The following FSCN1 variants were observed in gnomAD, a reference collection of about 807,000 sequenced individuals.
The protein encoded by FSCN1 is fascin.
FSCN1 carries 10 observed loss-of-function variants against 39.7 expected under a neutral mutation model. The observed-to-expected ratio is 0.25, with a 90% CI of 0.16 to 0.43. The LOEUF (loss-of-function observed/expected upper bound fraction) is 0.43. Among genes scored for constraint, FSCN1 ranks in the 20% least tolerant of loss-of-function variants. The pLI, the probability that FSCN1 is intolerant of heterozygous loss-of-function variation, is 1.00. For missense variants in FSCN1, 525 were observed against 723.8 expected, an observed-to-expected ratio of 0.73 and a Z score of 3.15; for synonymous variants, 322 against 320.0, an observed-to-expected ratio of 1.01 and a Z score of -0.07.
In FSCN1 at chr7:5,605,188, G is replaced by C; in HGVS notation, c.1280-84G>C. 9.7e-7 allele frequency: 1 copy of C among 1,029,650 alleles called. No homozygotes were observed. The highest frequency in any genetic ancestry group is 1.9e-5 in the Admixed American group (1 of 54,038). 63.8% of individuals were successfully genotyped at this position (1,029,650 alleles called of 1,614,324 possible). ...CTGGAGGGTGGGGCGTCACCCTTGG[G>C]AACACCCGTGCCCACCCTCCGCTGC... is the stretch of plus-strand genomic sequence containing the variant. On this transcript the variant is annotated intron_variant, in intron 4 of 4. Coordinates refer to ENST00000382361, the MANE Select transcript of FSCN1 (RefSeq NM_003088.4). This position sits in a 1 kb window ranked among gnomAD's most constrained non-coding sequence, Gnocchi z 6.9.
chr7:5,600,923 G>C (rs748118468), intron 1 of FSCN1, among the ~76,000 whole-genome samples: 1 of 132,802 alleles, frequency 7.5e-6, no homozygotes, highest in Non-Finnish European at 1.6e-5. Flanking sequence ...CAAAGTGCTG[G>C]GATTACAGGC....
In FSCN1 at chr7:5,606,586, A is replaced by T. The variant is rs1383124492; in HGVS notation, c.*1112A>T. On this transcript the variant is annotated 3_prime_UTR_variant, in exon 5 of 5. Coordinates refer to ENST00000382361, the MANE Select transcript of FSCN1 (RefSeq NM_003088.4). The surrounding 1 kb of genome is among the most constrained non-coding windows in gnomAD (Gnocchi z 5.1). ...ATTTTTTGTAAGTGTCATTTGTATAACTCTAAACGCCCATGATAGTAGCTT... is the reference window on the plus strand; with the variant it reads ...ATTTTTTGTAAGTGTCATTTGTATATCTCTAAACGCCCATGATAGTAGCTT... 2 of 151,762 alleles carry T rather than the reference A, an allele frequency of 1.3e-5. No individual in the cohort carries two copies. The highest frequency in any genetic ancestry group is 4.9e-5 in the African/African-American group (2 of 41,234). The allele number at this position is 151,762 out of a possible 1,614,324, so 9.4% of individuals were successfully genotyped here.
At chr7:5,596,123 G>A (rs1393958147) in intron 1 of FSCN1, among the ~76,000 whole-genome samples, 2 of 151,888 alleles carry the variant, frequency 1.3e-5, no homozygotes, top group Admixed American at 6.6e-5. Context: ...AACTCCCGGG[G>A]GGCTTTTGGG....
Position 5,603,973 on chromosome 7 carries a change from C to A in FSCN1, c.1222C>A (p.Arg408Ser). 1 of 1,614,018 alleles carries A rather than the reference C, an allele frequency of 6.2e-7. No individual in the cohort carries two copies. Among genetic ancestry groups the A allele is most frequent in the East Asian group, 2.2e-5 (1 of 44,882 alleles). ...RKVTGTLDAN[R>S]SSYDVFQLEF... The stretch of plus-strand genomic sequence containing the variant: ...GGTCACGGGCACCCTGGACGCCAAC[C>A]GCTCCAGCTATGACGTCTTCCAGCT... The change falls in exon 4 of 5, where the codon CGC (arginine) becomes AGC (serine). Residue 408 changes from arginine (R) to serine (S), a missense_variant. Arg to Ser is a moderately radical substitution (Grantham distance 110, BLOSUM62 -1). Coordinates refer to ENST00000382361, the MANE Select transcript of FSCN1 (RefSeq NM_003088.4). This position sits in a 1 kb window ranked among gnomAD's most constrained non-coding sequence, Gnocchi z 8.5.
rs992958294 is a variant in FSCN1, at chr7:5,604,852, G to T, written c.1280-420G>T. ...GGGTTTCACCATGTTGTCCAGGCTG[G>T]TCTTGAATTCGTGGCCTCAAGTGAT... On this transcript the variant is annotated intron_variant, in intron 4 of 4. Transcript: ENST00000382361. 5.9e-5 allele frequency among the ~76,000 whole-genome samples: 9 copies of T among 152,258 alleles called. No individual in the cohort carries two copies. In the East Asian group the frequency reaches 1.7e-3, roughly 29 times the overall value.
chr7:5,603,846 C>T lies in FSCN1; in HGVS notation c.1112-17C>T, dbSNP rs530786123. 1.2e-6 allele frequency: 2 copies of T among 1,608,994 alleles called. No homozygotes were observed. Among genetic ancestry groups the T allele is most frequent in the African/African-American group, 1.3e-5 (1 of 74,970 alleles). On this transcript the variant is annotated splice_polypyrimidine_tract_variant and intron_variant, in intron 3 of 4. Coordinates refer to ENST00000382361, the MANE Select transcript of FSCN1 (RefSeq NM_003088.4). The surrounding 1 kb of genome is among the most constrained non-coding windows in gnomAD (Gnocchi z 8.5). ...TCCCTGCCAGGAGGCTCACTGACTC[C>T]CCTCTTTCTGGGACAGGGGACTCAG...
chr7:5,605,127 G>A lies in FSCN1; in HGVS notation c.1280-145G>A, dbSNP rs1180544495. The A allele has an allele frequency of 1.1e-5, 7 of 637,058 alleles. No homozygotes were observed. In the Admixed American group the frequency reaches 1.1e-4, roughly 10 times the overall value. 39.5% of individuals were successfully genotyped at this position (637,058 alleles called of 1,614,324 possible). A position where few individuals can be genotyped will look rare whatever the true frequency, so the allele number is the denominator to read the frequency against. On this transcript the variant is annotated intron_variant, in intron 4 of 4. Transcript: ENST00000382361. This position sits in a 1 kb window ranked among gnomAD's most constrained non-coding sequence, Gnocchi z 6.9. ...GTCCATCATGGACAGGAGGACGTGC[G>A]GGCCATAGGGACCCTGGCTCATTCC...
intron 1 of FSCN1, among the ~76,000 whole-genome samples, chr7:5,597,822 C>G (rs1785758431): frequency 6.6e-6 from 1 of 151,552 alleles, no homozygotes; most frequent in African/African-American, 2.4e-5. Context: ...ACAGGCAGGG[C>G]TAGACCTCTC....
At position 5,605,110 on chromosome 7, in the gene FSCN1, T is replaced by C. The variant is rs1264074592; in HGVS notation, c.1280-162T>C. Among the ~76,000 whole-genome samples, 2 of 152,184 alleles carry C rather than the reference T, an allele frequency of 1.3e-5. No individual in the cohort carries two copies. Among genetic ancestry groups the C allele is most frequent in the East Asian group, 1.9e-4 (1 of 5,192 alleles). ...AGGACCCTTGTTCATGTGTCCATCATGGACAGGAGGACGTGCGGGCCATAG... is the reference window on the plus strand; with the variant it reads ...AGGACCCTTGTTCATGTGTCCATCACGGACAGGAGGACGTGCGGGCCATAG... On this transcript the variant is annotated intron_variant, in intron 4 of 4. Coordinates refer to ENST00000382361, the MANE Select transcript of FSCN1 (RefSeq NM_003088.4). The surrounding 1 kb of genome is among the most constrained non-coding windows in gnomAD (Gnocchi z 6.9).
chr7:5,605,172 G>A lies in FSCN1; in HGVS notation c.1280-100G>A. 1 of 821,420 alleles carries A rather than the reference G, an allele frequency of 1.2e-6. No homozygotes were observed. Among genetic ancestry groups the A allele is most frequent in the Non-Finnish European group, 2.0e-6 (1 of 493,990 alleles). 50.9% of individuals were successfully genotyped at this position (821,420 alleles called of 1,614,324 possible). A position where few individuals can be genotyped will look rare whatever the true frequency, so the allele number is the denominator to read the frequency against. ...CATTCCGGAGCCGGGACTGGAGGGT[G>A]GGGCGTCACCCTTGGGAACACCCGT... is the stretch of plus-strand genomic sequence containing the variant. On this transcript the variant is annotated intron_variant, in intron 4 of 4. Transcript: ENST00000382361. This position sits in a 1 kb window ranked among gnomAD's most constrained non-coding sequence, Gnocchi z 6.9.
At chr7:5,598,282 C>T (rs1296669425) in intron 1 of FSCN1, among the ~76,000 whole-genome samples, 2 of 152,220 alleles carry the variant, frequency 1.3e-5, no homozygotes, top group Non-Finnish European at 2.9e-5. Context: ...AAACCAGTTC[C>T]AGGATTGAAC....
Position 5,605,494 on chromosome 7 carries a change from G to T in FSCN1, c.*20G>T, listed in dbSNP as rs373433239. 1.3e-6 allele frequency: 2 copies of T among 1,513,144 alleles called. No individual in the cohort carries two copies. The highest frequency in any genetic ancestry group is 2.8e-5 in the African/African-American group (2 of 72,438). 93.7% of individuals were successfully genotyped at this position (1,513,144 alleles called of 1,614,324 possible). A position where few individuals can be genotyped will look rare whatever the true frequency, so the allele number is the denominator to read the frequency against. ...TACTAGGGCCGGCCCGTCCTTCCCC[G>T]CCCCTGCCCACATGGCGGCTCCTGC... On this transcript the variant is annotated 3_prime_UTR_variant, in exon 5 of 5. Transcript: ENST00000382361. The surrounding 1 kb of genome is among the most constrained non-coding windows in gnomAD (Gnocchi z 6.9).
rs1192724244 is a variant in FSCN1 at position 5,602,099 on chromosome 7, T to TACCC, written c.833-1158_833-1157insACCC. Among the ~76,000 whole-genome samples the TACCC allele has an allele frequency of 3.3e-5, 5 of 151,886 alleles. No homozygotes were observed. In the South Asian group the frequency reaches 6.2e-4, roughly 19 times the overall value. ...TTTTGTATTTTTAGTAGAGACGGGG[T>TACCC]GACTCCATGTTGGTCAGGCTGGTCT... On this transcript the variant is annotated intron_variant, in intron 1 of 4. Coordinates refer to ENST00000382361, the MANE Select transcript of FSCN1 (RefSeq NM_003088.4).
rs926054123 is a variant in FSCN1, at chr7:5,605,104, C to T, written c.1280-168C>T. Among the ~76,000 whole-genome samples, 6 of 152,184 alleles carry T rather than the reference C, an allele frequency of 3.9e-5. No homozygotes were observed. The highest frequency in any genetic ancestry group is 7.2e-5 in the African/African-American group (3 of 41,434). On this transcript the variant is annotated intron_variant, in intron 4 of 4. Coordinates refer to ENST00000382361, the MANE Select transcript of FSCN1 (RefSeq NM_003088.4). The surrounding 1 kb of genome is among the most constrained non-coding windows in gnomAD (Gnocchi z 6.9). The stretch of plus-strand genomic sequence containing the variant: ...CGTTCTAGGACCCTTGTTCATGTGT[C>T]CATCATGGACAGGAGGACGTGCGGG...
chr7:5,604,037 T>A lies in FSCN1; in HGVS notation c.1279+7T>A. 1 of 1,612,356 alleles carries A rather than the reference T, an allele frequency of 6.2e-7. No homozygotes were observed. Among genetic ancestry groups the A allele is most frequent in the Non-Finnish European group, 8.5e-7 (1 of 1,179,614 alleles). ...GGCGCCTACAACATCAAAGGCAGGT[T>A]CTCCTGTGGGCAGCTGCTGGGCAGG... On this transcript the variant is annotated splice_region_variant and intron_variant, in intron 4 of 4. Transcript: ENST00000382361.
intron 1 of FSCN1, among the ~76,000 whole-genome samples, chr7:5,597,729 T>A (rs939200962): frequency 5.3e-5 from 7 of 133,272 alleles, no homozygotes; most frequent in African/African-American, 1.1e-4. Context: ...GTAATTAAAA[T>A]AATTAAAAGA....
Position 5,597,223 on chromosome 7 carries a change from G to T in FSCN1, c.832+3455G>T, listed in dbSNP as rs541453087. 5.9e-5 allele frequency among the ~76,000 whole-genome samples: 9 copies of T among 152,326 alleles called. No homozygotes were observed. The East Asian group carries it at 1.7e-3, about 29-fold the overall frequency. On this transcript the variant is annotated intron_variant, in intron 1 of 4. Transcript: ENST00000382361. ...TGTCTACAAAAAATACAAAAAATTA[G>T]CCAGGCATGGTGATGCACGCCTGTC...
At chr7:5,604,335 C>T (rs532423125) in intron 4 of FSCN1, among the ~76,000 whole-genome samples, 20 of 144,662 alleles carry the variant, frequency 1.4e-4, no homozygotes, top group African/African-American at 4.1e-4. Context: ...AGGGGAGAGC[C>T]GGGAAGGAGA....
rs1489907153 is a variant in FSCN1, at chr7:5,599,214, T to TCGGAGGGCAGAGGGTGGGCTAC, written c.833-4039_833-4018dup. On this transcript the variant is annotated intron_variant, in intron 1 of 4. Transcript: ENST00000382361. The surrounding 1 kb of genome is among the most constrained non-coding windows in gnomAD (Gnocchi z 5.6). Reference sequence around the variant, plus strand: ...GCCCACCCAGTGCGGTGGATGCTCGTCGGAGGGCAGAGGGTGGGCTACCGG... The same window carrying TCGGAGGGCAGAGGGTGGGCTAC: ...GCCCACCCAGTGCGGTGGATGCTCGTCGGAGGGCAGAGGGTGGGCTACCGGAGGGCAGAGGGTGGGCTACCGG... 2.0e-5 allele frequency among the ~76,000 whole-genome samples: 3 copies of TCGGAGGGCAGAGGGTGGGCTAC among 151,632 alleles called. No individual in the cohort carries two copies. The East Asian group carries it at 5.8e-4, about 29-fold the overall frequency.
Sources: allele counts gnomAD v4.1 joint callset (sites outside exome capture counted in the v4.1 genomes callset), GRCh38; gene constraint gnomAD v4.1.1; non-coding constraint Gnocchi (gnomAD v3.1); transcripts MANE v1.5; gene names NCBI Gene and HGNC (gene_info 2026-07-23, HGNC 2026-07-21).